The following SERGEF variants were observed in gnomAD, a reference collection of about 807,000 sequenced individuals.
SERGEF encodes the protein secretion-regulating guanine nucleotide exchange factor.
A neutral mutation model predicts 50.0 loss-of-function variants in SERGEF; 51 were observed. That is an observed-to-expected ratio of 1.02 (90% CI 0.81 to 1.29). SERGEF has a LOEUF of 1.29. Among genes scored for constraint, SERGEF ranks in the 50% most tolerant of loss-of-function variants. The pLI is 0.00. For missense variants in SERGEF, 521 were observed against 557.0 expected (o/e 0.94, Z 0.65); for synonymous variants, 205 against 212.4 (o/e 0.97, Z 0.30).
chr11:17,799,035 C>T (rs1456266698), intron 10 of SERGEF, among the ~76,000 whole-genome samples: 2 of 152,194 alleles, frequency 1.3e-5, no homozygotes, highest in African/African-American at 4.8e-5. Flanking sequence ...GATCTGAATC[C>T]CTTCAGGTGT....
intron 9 of SERGEF, among the ~76,000 whole-genome samples, chr11:17,886,446 C>T (rs55784529): frequency 0.14 from 20,539 of 151,968 alleles, 1,788 homozygotes; most frequent in Middle Eastern, 0.26. Flanking sequence ...CCTGTCTCTA[C>T]AGAAAATACA....
intron 10 of SERGEF, among the ~76,000 whole-genome samples, chr11:17,830,625 AGGGAAAGGGGGAGGGAGAGGGAGG>A (rs1850281624): frequency 2.1e-5 from 2 of 94,164 alleles, no homozygotes; most frequent in Non-Finnish European, 4.2e-5. Context: ...AGAGAGAGAG[AGGGAAAGGGGGAGGGAGAGGGAGG>A]GAGAGAGAGA....
At chr11:17,960,946 C>G (rs1358422767) in intron 8 of SERGEF, among the ~76,000 whole-genome samples, 5 of 152,160 alleles carry the variant, frequency 3.3e-5, no homozygotes, top group Admixed American at 3.3e-4. Context: ...GTGTGCTGTT[C>G]CTTTTGCTAA....
chr11:17,900,750 T>C (rs1195513976), intron 9 of SERGEF, among the ~76,000 whole-genome samples: 4 of 152,134 alleles, frequency 2.6e-5, no homozygotes, highest in African/African-American at 9.7e-5. Context: ...TATATTTATG[T>C]GTGTGGAAGC....
At chr11:17,878,598 A>T (rs551419927) in intron 9 of SERGEF, among the ~76,000 whole-genome samples, 2 of 152,254 alleles carry the variant, frequency 1.3e-5, no homozygotes, top group African/African-American at 4.8e-5. Context: ...CAATAAAGAT[A>T]ACAGTTTTTG....
intron 8 of SERGEF, among the ~76,000 whole-genome samples, chr11:17,972,797 G>C (rs1225436797): frequency 3.9e-5 from 6 of 152,034 alleles, no homozygotes; most frequent in Non-Finnish European, 8.8e-5. Flanking sequence ...GCAGACAGGT[G>C]ATGTCCCCAC....
At position 17,995,811 on chromosome 11, in the gene SERGEF, G is replaced by A. The variant is rs756628530; in HGVS notation, c.607C>T (p.Pro203Ser). 2.5e-6 allele frequency: 4 copies of A among 1,612,292 alleles called. No individual in the cohort carries two copies. The highest frequency in any genetic ancestry group is 1.7e-6 in the Non-Finnish European group (2 of 1,178,426). ...AGCATCTTACCTGTCACTCTGCTTG[G>A]TTCCTTTGCTGTGAAAAACAATGGA... ...TLPLFFTAKEPSRVTGLENSK... is the reference protein window; with the variant it reads ...TLPLFFTAKESSRVTGLENSK... The change falls in exon 6 of 11, where the codon CCA (proline) becomes TCA (serine). Residue 203 changes from proline to serine, a missense_variant. Pro to Ser is a moderately conservative substitution (Grantham distance 74, BLOSUM62 -1). Coordinates refer to ENST00000265965, the MANE Select transcript of SERGEF (RefSeq NM_012139.4).
intron 9 of SERGEF, among the ~76,000 whole-genome samples, chr11:17,955,968 A>C (rs1852860905): frequency 6.6e-6 from 1 of 152,312 alleles, no homozygotes; most frequent in African/African-American, 2.4e-5. Context: ...GTCAAGCAGC[A>C]AACAAACCTG....
intron 6 of SERGEF, among the ~76,000 whole-genome samples, chr11:17,994,232 T>C (rs934037603): frequency 6.6e-6 from 1 of 152,058 alleles, no homozygotes. Context: ...TCTAGCACTT[T>C]GGGAGGCCGA....
At chr11:17,809,585 A>T (rs1326535367) in intron 10 of SERGEF, among the ~76,000 whole-genome samples, 1 of 152,104 alleles carries the variant, frequency 6.6e-6, no homozygotes, top group Non-Finnish European at 1.5e-5. Context: ...GGTCTAAGGG[A>T]GATCATTTGG....
intron 10 of SERGEF, among the ~76,000 whole-genome samples, chr11:17,824,907 G>C (rs1160947134): frequency 6.6e-6 from 1 of 152,178 alleles, no homozygotes; most frequent in Non-Finnish European, 1.5e-5. Flanking sequence ...ATAACAGTGA[G>C]AGAAAATGCT....
chr11:17,947,255 T>A (rs1852680795), intron 9 of SERGEF, among the ~76,000 whole-genome samples: 1 of 152,162 alleles, frequency 6.6e-6, no homozygotes, highest in Admixed American at 6.5e-5. Context: ...AAATGGCAAC[T>A]GAAGTTGTCC....
chr11:17,834,928 G>A (rs922949137), intron 10 of SERGEF, among the ~76,000 whole-genome samples: 1 of 152,156 alleles, frequency 6.6e-6, no homozygotes, highest in Non-Finnish European at 1.5e-5. Context: ...TGAGAGCATA[G>A]CCTGTGTGTG....
At chr11:17,910,831 T>A (rs1851938058) in intron 9 of SERGEF, among the ~76,000 whole-genome samples, 1 of 151,444 alleles carries the variant, frequency 6.6e-6, no homozygotes, top group Non-Finnish European at 1.5e-5. Context: ...TGGCTGTGAA[T>A]CAGTAACAAA....
intron 9 of SERGEF, among the ~76,000 whole-genome samples, chr11:17,941,225 T>C (rs185139827): frequency 1.3e-5 from 2 of 152,346 alleles, no homozygotes; most frequent in South Asian, 2.1e-4. Context: ...GTGGCAAATA[T>C]ACATAACATA....
chr11:17,860,161 G>A (rs188605768), intron 10 of SERGEF, among the ~76,000 whole-genome samples: 182 of 152,290 alleles, frequency 1.2e-3, no homozygotes, highest in African/African-American at 4.3e-3. Flanking sequence ...TGCAAAGCGT[G>A]TAAGAGGTGT....
chr11:17,851,786 G>A (rs1850719961), intron 10 of SERGEF, among the ~76,000 whole-genome samples: 1 of 152,224 alleles, frequency 6.6e-6, no homozygotes, highest in Non-Finnish European at 1.5e-5. Flanking sequence ...AGGTGACTGT[G>A]CTGGACACTA....
At chr11:17,890,216 C>A (rs1233523628) in intron 9 of SERGEF, among the ~76,000 whole-genome samples, 2 of 151,998 alleles carry the variant, frequency 1.3e-5, no homozygotes, top group African/African-American at 4.8e-5. Context: ...AGGTAGTCAG[C>A]AGGACTGTGA....
intron 9 of SERGEF, among the ~76,000 whole-genome samples, chr11:17,940,971 C>CACAGAAAAGCTTAAACAT: frequency 6.6e-6 from 1 of 152,118 alleles, no homozygotes; most frequent in Non-Finnish European, 1.5e-5. Context: ...TTTTTAAACA[C>CACAGAAAAGCTTAAACAT]ACAGAAAAGC....
Sources: gnomAD v4.1 joint callset for allele counts (sites outside exome capture counted in the v4.1 genomes callset) on GRCh38, gnomAD v4.1.1 for gene constraint, MANE v1.5 for transcripts, NCBI Gene and HGNC (gene_info 2026-07-23, HGNC 2026-07-21) for gene names.